Variants in EYS observed in about 807,000 individuals in gnomAD.
EYS encodes protein eyes shut homolog.
In EYS, 250 loss-of-function variants were observed where a neutral mutation model predicts 282.1. The ratio of observed to expected loss-of-function variants is 0.89; its 90% CI spans 0.80 to 0.98. The LOEUF (loss-of-function observed/expected upper bound fraction) is 0.98, where lower values mean the gene tolerates loss of function less well. EYS is among the 50% of genes least tolerant of loss of function. The pLI is 0.00. For missense variants in EYS, 4,016 were observed against 3,709.0 expected, an observed-to-expected ratio of 1.08 and a Z score of -2.15; for synonymous variants, 1,355 against 1,282.9, an observed-to-expected ratio of 1.06 and a Z score of -1.20.
chr6:65,581,092 A>C (rs183036187), intron 2 of EYS, among the ~76,000 whole-genome samples: 25 of 152,028 alleles, frequency 1.6e-4, no homozygotes, highest in African/African-American at 5.1e-4. Flanking sequence ...CATAATTAGA[A>C]ATTAATACAT....
intron 12 of EYS, among the ~76,000 whole-genome samples, chr6:65,269,249 G>A (rs1403754728): frequency 6.6e-6 from 1 of 152,068 alleles, no homozygotes; most frequent in African/African-American, 2.4e-5. Context: ...CAAAGCATAA[G>A]TTCAAACAAA....
At chr6:64,378,559 T>TG (rs2150418343) in intron 29 of EYS, among the ~76,000 whole-genome samples, 1 of 152,190 alleles carries the variant, frequency 6.6e-6, no homozygotes, top group African/African-American at 2.4e-5. Context: ...ATATCAATGC[T>TG]GGGGGGAAAC....
At chr6:64,968,200 ATTAC>A (rs1770163321) in intron 14 of EYS, among the ~76,000 whole-genome samples, 1 of 152,166 alleles carries the variant, frequency 6.6e-6, no homozygotes, top group Non-Finnish European at 1.5e-5. Context: ...GGTATTTATT[ATTAC>A]TTACAGAAAC....
intron 12 of EYS, among the ~76,000 whole-genome samples, chr6:65,091,271 T>TA (rs397887871): frequency 0.024 from 1,374 of 56,394 alleles, 32 homozygotes; most frequent in South Asian, 0.047. Flanking sequence ...CCATCTCCCC[T>TA]AAAAAAAAAA....
chr6:64,411,592 C>T (rs1773892537), intron 28 of EYS, among the ~76,000 whole-genome samples: 1 of 152,066 alleles, frequency 6.6e-6, no homozygotes, highest in Non-Finnish European at 1.5e-5. Context: ...CTTGTAATCT[C>T]AGCACTTTGT....
chr6:65,330,678 T>A, intron 11 of EYS: 2 of 939,240 alleles, frequency 2.1e-6, no homozygotes, highest in Non-Finnish European at 2.5e-6. Flanking sequence ...TCATCAACAT[T>A]ATTAGTGTCT....
At chr6:65,004,937 C>T (rs999977662) in intron 13 of EYS, among the ~76,000 whole-genome samples, 2 of 148,240 alleles carry the variant, frequency 1.3e-5, no homozygotes, top group African/African-American at 4.8e-5. Flanking sequence ...ATACTTCCCA[C>T]TTCTTGTTCA....
intron 12 of EYS, among the ~76,000 whole-genome samples, chr6:65,292,598 G>A (rs928666161): frequency 6.6e-6 from 1 of 151,636 alleles, no homozygotes; most frequent in African/African-American, 2.4e-5. Context: ...ACCCCCTTTA[G>A]GTACTTGTAG....
intron 26 of EYS, among the ~76,000 whole-genome samples, chr6:64,553,752 T>G (rs1320205134): frequency 6.6e-6 from 1 of 152,026 alleles, no homozygotes; most frequent in Admixed American, 6.6e-5. Context: ...AATTACAGCT[T>G]TGTAATTGGT....
In EYS at chr6:64,392,323, AT is replaced by A. The variant is rs1280651595; in HGVS notation, c.5928-3484del. Among the ~76,000 whole-genome samples, 4 of 149,198 alleles carry A rather than the reference AT, an allele frequency of 2.7e-5. No homozygotes were observed. In the East Asian group the frequency reaches 7.9e-4, roughly 29 times the overall value. ...TCCACCCCAAATCAACAGAATATACATTTTTTTCCAGCATCACACCACACCT... is the reference window on the plus strand; with the variant it reads ...TCCACCCCAAATCAACAGAATATACATTTTTTCCAGCATCACACCACACCT... On this transcript the variant is annotated intron_variant, in intron 28 of 42. Transcript: ENST00000503581.
At chr6:65,255,998 T>A (rs1375004230) in intron 12 of EYS, among the ~76,000 whole-genome samples, 2 of 151,964 alleles carry the variant, frequency 1.3e-5, no homozygotes, top group African/African-American at 2.4e-5. Context: ...CTGTGCTGGA[T>A]AAATATTAAA....
chr6:64,238,716 TA>T (rs1314816139), intron 30 of EYS, among the ~76,000 whole-genome samples: 1 of 152,176 alleles, frequency 6.6e-6, no homozygotes, highest in Non-Finnish European at 1.5e-5. Context: ...TTCTCTCTTG[TA>T]AAATGGTTAA....
intron 5 of EYS, among the ~76,000 whole-genome samples, chr6:65,431,676 G>A (rs1413171947): frequency 1.3e-5 from 2 of 151,934 alleles, no homozygotes; most frequent in Non-Finnish European, 2.9e-5. Context: ...ATCACCGGCT[G>A]TTCTAAAATC....
At chr6:65,608,004 A>G (rs998266677) in intron 2 of EYS, among the ~76,000 whole-genome samples, 1 of 151,884 alleles carries the variant, frequency 6.6e-6, no homozygotes, top group Non-Finnish European at 1.5e-5. Context: ...AATATATTCC[A>G]CTCTTAAAAA....
intron 32 of EYS, among the ~76,000 whole-genome samples, chr6:64,070,012 T>C (rs895290605): frequency 1.3e-5 from 2 of 152,110 alleles, no homozygotes; most frequent in African/African-American, 4.8e-5. Context: ...TATATCTACT[T>C]CTGTGTTCAA....
chr6:64,610,835 A>C (rs1189481678), intron 24 of EYS, among the ~76,000 whole-genome samples: 2 of 152,162 alleles, frequency 1.3e-5, no homozygotes, highest in African/African-American at 4.8e-5. Context: ...TTAATACAGA[A>C]AACTTCCTCT....
chr6:64,911,589 T>C (rs576575590), intron 16 of EYS, among the ~76,000 whole-genome samples: 39 of 152,102 alleles, frequency 2.6e-4, no homozygotes, highest in Admixed American at 6.6e-4. Flanking sequence ...GAGACTCCCT[T>C]AAGGGCCAGT....
intron 12 of EYS, among the ~76,000 whole-genome samples, chr6:65,092,110 G>C (rs752910924): frequency 4.6e-5 from 7 of 151,990 alleles, no homozygotes; most frequent in Non-Finnish European, 8.8e-5. Context: ...ATGTACATTA[G>C]AATATAAAAA....
chr6:64,703,828 A>G lies in EYS; in HGVS notation c.3444-77583T>C, dbSNP rs568220047. Among the ~76,000 whole-genome samples the G allele has an allele frequency of 4.6e-5, 7 of 152,328 alleles. No homozygotes were observed. The South Asian group carries it at 1.4e-3, about 32-fold the overall frequency. ...TATTTTAAGTATGTATATGTGGATAACTATTCTACCAAAATTCAAAACAAA... is the reference window on the plus strand; with the variant it reads ...TATTTTAAGTATGTATATGTGGATAGCTATTCTACCAAAATTCAAAACAAA... On this transcript the variant is annotated intron_variant, in intron 22 of 42. Transcript: ENST00000503581.
Sources: gnomAD v4.1 joint callset for allele counts (sites outside exome capture counted in the v4.1 genomes callset) on GRCh38, gnomAD v4.1.1 for gene constraint, MANE v1.5 for transcripts, NCBI Gene and HGNC (gene_info 2026-07-23, HGNC 2026-07-21) for gene names.